FGD5: variants seen among roughly 807,000 people sequenced by gnomAD.
FGD5 encodes the protein FYVE, RhoGEF and PH domain containing 5, also known as FYVE, RhoGEF and PH domain-containing protein 5.
In FGD5, 28 loss-of-function variants were observed where a neutral mutation model predicts 133.4. The ratio of observed to expected loss-of-function variants is 0.21; its 90% CI spans 0.16 to 0.29. The LOEUF (loss-of-function observed/expected upper bound fraction) is 0.29. Ranked by LOEUF, FGD5 falls within the 10% of genes least tolerant of loss-of-function variation. FGD5 has a pLI of 1.00. For missense variants in FGD5, 1,858 were observed against 1,895.2 expected (o/e 0.98, Z 0.36); for synonymous variants, 810 against 776.5 (o/e 1.04, Z -0.72).
At position 14,933,622 on chromosome 3, in the gene FGD5, G is replaced by A. The variant is rs148388873; in HGVS notation, c.*455G>A. ...GCTATCAGTAACAGCTACTCTCATC[G>A]AAAGCACTTTATTATTTTACGGAGC... On this transcript the variant is annotated 3_prime_UTR_variant, in exon 20 of 20. Transcript: ENST00000285046. The A allele has an allele frequency of 3.4e-4, 56 of 162,824 alleles. 1 individual carries two copies. In the East Asian group the frequency reaches 9.0e-3, roughly 26 times the overall value. 10.1% of individuals were successfully genotyped at this position (162,824 alleles called of 1,614,324 possible). A position where few individuals can be genotyped will look rare whatever the true frequency, so the allele number is the denominator to read the frequency against.
At chr3:14,864,035 C>T (rs2037448975) in intron 1 of FGD5, 93 bp from the exon 2 acceptor site, 1 of 1,533,384 alleles carries the variant, frequency 6.5e-7, no homozygotes, top group African/African-American at 1.4e-5. Context: ...TACTTGTTTT[C>T]TGTCCCCATG....
intron 1 of FGD5, among the ~76,000 whole-genome samples, chr3:14,857,233 T>C (rs1392534018): frequency 2.0e-5 from 3 of 150,140 alleles, no homozygotes; most frequent in Non-Finnish European, 4.4e-5. Flanking sequence ...ACCAGCAGCC[T>C]CCACCCCCCC....
At chr3:14,906,792 G>C (rs1362486907) in intron 9 of FGD5, among the ~76,000 whole-genome samples, 1 of 152,206 alleles carries the variant, frequency 6.6e-6, no homozygotes, top group Non-Finnish European at 1.5e-5. Flanking sequence ...TCATTCCTTT[G>C]TGGACGGGCT....
At chr3:14,906,441 G>A (rs961106820) in intron 9 of FGD5, among the ~76,000 whole-genome samples, 4 of 152,236 alleles carry the variant, frequency 2.6e-5, no homozygotes, top group African/African-American at 9.6e-5. Flanking sequence ...CCCTAGAGGA[G>A]CAGACCTTTG....
rs1402104216 is a variant in FGD5 at position 14,932,577 on chromosome 3, G to T, written c.4198G>T (p.Asp1400Tyr). The T allele has an allele frequency of 6.2e-7, 1 of 1,611,912 alleles. No individual in the cohort carries two copies. The highest frequency in any genetic ancestry group is 1.7e-5 in the Admixed American group (1 of 59,464). ...CAATTTTTCCTTCTGTCCTCTGCAG[G>T]ACAAAGTGGCCTTGGAGAGTATGCC... ...KVLYTYMASE[D>Y]KVALESMPLL... Residue 1400 changes from aspartate (D) to tyrosine (Y), a missense_variant and splice_region_variant, in exon 19 of 20, where the codon GAC (aspartate) becomes TAC (tyrosine). Asp to Tyr is a radical substitution (Grantham distance 160). Around this residue, in one of 3 missense-constraint regions of FGD5, gnomAD observed 1,824 missense variants for 1,848.9 expected, o/e 0.99. Coordinates refer to ENST00000285046, the MANE Select transcript of FGD5 (RefSeq NM_152536.4).
chr3:14,909,491 A>G (rs899712534), intron 10 of FGD5, among the ~76,000 whole-genome samples: 5 of 152,250 alleles, frequency 3.3e-5, no homozygotes, highest in Admixed American at 1.3e-4. Context: ...TAGTAATTGT[A>G]TGCGCCCAGC....
intron 1 of FGD5, among the ~76,000 whole-genome samples, chr3:14,824,442 C>G (rs2036565321): frequency 6.6e-6 from 1 of 152,188 alleles, no homozygotes; most frequent in African/African-American, 2.4e-5. Flanking sequence ...CCGCCTGCTA[C>G]TTGTCCTGCC....
intron 12 of FGD5, 37 bp from the exon 13 acceptor site, chr3:14,918,717 T>G: frequency 8.2e-6 from 10 of 1,218,094 alleles, no homozygotes; most frequent in East Asian, 2.6e-5. Flanking sequence ...TGCCCCTCCC[T>G]GCCCCACCCT....
At position 14,908,408 on chromosome 3, in the gene FGD5, AT is replaced by A. The variant is rs2038379337; in HGVS notation, c.3336+698del. On this transcript the variant is annotated intron_variant, in intron 10 of 19. Coordinates refer to ENST00000285046, the MANE Select transcript of FGD5 (RefSeq NM_152536.4). ...TAGACCTTCCGAGGCTCTGTTCTGA[AT>A]GGACTCCTCGTGGGTACAAACCAAG... is the stretch of plus-strand genomic sequence containing the variant. Among the ~76,000 whole-genome samples the A allele has an allele frequency of 2.0e-5, 3 of 152,200 alleles. No homozygotes were observed. The South Asian group carries it at 6.2e-4, about 31-fold the overall frequency.
upstream of FGD5, among the ~76,000 whole-genome samples, chr3:14,817,558 T>G (rs973870273): frequency 6.6e-6 from 1 of 152,250 alleles, no homozygotes; most frequent in African/African-American, 2.4e-5. Context: ...GTGATACATG[T>G]GGCTCACATT....
chr3:14,880,476 C>T, intron 2 of FGD5, 96 bp from the exon 3 acceptor site: 5 of 1,139,218 alleles, frequency 4.4e-6, no homozygotes, highest in South Asian at 1.5e-5. Context: ...AGGAAATGGT[C>T]TGCAAAATGC....
intron 4 of FGD5, 181 bp from the exon 5 acceptor site, chr3:14,897,328 G>A (rs1238545991): frequency 5.9e-6 from 4 of 682,682 alleles, no homozygotes; most frequent in Non-Finnish European, 7.1e-6. Context: ...CCCTATGGTC[G>A]CCAGGTGCAT....
chr3:14,898,126 G>A lies in FGD5; in HGVS notation c.3066+31G>A, dbSNP rs775462598. 7 of 1,612,992 alleles carry A rather than the reference G, an allele frequency of 4.3e-6. No homozygotes were observed. In the Admixed American group the frequency reaches 1.0e-4, roughly 23 times the overall value. On this transcript the variant is annotated intron_variant, in intron 6 of 19. Coordinates refer to ENST00000285046, the MANE Select transcript of FGD5 (RefSeq NM_152536.4). ...TCCCTTGGTCCTCTGAGACCCTGCT[G>A]TAAGGATGCAGGGGTTGAGGTGGGC...
intron 1 of FGD5, among the ~76,000 whole-genome samples, chr3:14,831,685 C>T (rs184728835): frequency 6.6e-6 from 1 of 152,236 alleles, no homozygotes; most frequent in East Asian, 1.9e-4. Context: ...ATTTGTACCT[C>T]CAGGTGAACT....
intron 1 of FGD5, among the ~76,000 whole-genome samples, chr3:14,860,294 G>A (rs910579942): frequency 5.3e-5 from 8 of 152,190 alleles, no homozygotes; most frequent in Admixed American, 1.3e-4. Context: ...GGGCTTCAGC[G>A]GGGCTTCCTT....
intron 1 of FGD5, among the ~76,000 whole-genome samples, chr3:14,823,524 CAG>C (rs1227977915): frequency 6.6e-6 from 1 of 152,184 alleles, no homozygotes; most frequent in Non-Finnish European, 1.5e-5. Context: ...TGTAGAATCA[CAG>C]AGTTTTATAG....
chr3:14,896,596 G>T (rs1003520074), intron 4 of FGD5, among the ~76,000 whole-genome samples: 9 of 151,850 alleles, frequency 5.9e-5, no homozygotes, highest in Non-Finnish European at 1.3e-4. Flanking sequence ...TCAGCCTCCC[G>T]AGTAGCTGGG....
chr3:14,880,800 A>C (rs1457647998), intron 4 of FGD5, 28 bp downstream of exon 4: 1 of 1,611,302 alleles, frequency 6.2e-7, no homozygotes. Context: ...ATTGTCCAAA[A>C]CTAATTGCCC....
chr3:14,834,955 G>A (rs1213676170), intron 1 of FGD5, among the ~76,000 whole-genome samples: 4 of 152,154 alleles, frequency 2.6e-5, no homozygotes, highest in Non-Finnish European at 5.9e-5. Flanking sequence ...CCTCCCAACC[G>A]CCGTGCAAGA....
Sources: allele counts gnomAD v4.1 joint callset (sites outside exome capture counted in the v4.1 genomes callset), GRCh38; gene constraint gnomAD v4.1.1; regional missense constraint gnomAD v4.1.1; transcripts MANE v1.5; gene names NCBI Gene and HGNC (gene_info 2026-07-23, HGNC 2026-07-21).